The following GNPAT variants were observed in gnomAD, a reference collection of about 807,000 sequenced individuals.
GNPAT encodes the protein dihydroxyacetone phosphate acyltransferase.
GNPAT carries 30 observed loss-of-function variants against 78.4 expected under a neutral mutation model. The ratio of observed to expected loss-of-function variants is 0.38; its 90% confidence interval spans 0.29 to 0.52. The LOEUF (loss-of-function observed/expected upper bound fraction) is 0.52, where lower values mean the gene tolerates loss of function less well. Among genes scored for constraint, GNPAT ranks in the 20% least tolerant of loss-of-function variants. GNPAT has a pLI of 0.84. For synonymous variants in GNPAT, 271 were observed against 281.1 expected, an observed-to-expected ratio of 0.96 and a Z score of 0.36; for missense variants, 714 against 812.2, an observed-to-expected ratio of 0.88 and a Z score of 1.47.
intron 1 of GNPAT, among the ~76,000 whole-genome samples, chr1:231,245,981 T>A (rs1408041825): frequency 6.6e-6 from 1 of 151,940 alleles, no homozygotes; most frequent in Non-Finnish European, 1.5e-5. Context: ...AAAAAAAAAA[T>A]TAAATATTAA....
At chr1:231,243,182 T>G (rs773266618) in intron 1 of GNPAT, among the ~76,000 whole-genome samples, 22 of 152,176 alleles carry the variant, frequency 1.4e-4, no homozygotes, top group Non-Finnish European at 7.3e-5. Flanking sequence ...ACAATCACAG[T>G]TAAGTATGGT....
At chr1:231,273,849 G>A (rs1685634787) in intron 11 of GNPAT, 73 bp from the exon 12 acceptor site, 1 of 1,173,356 alleles carries the variant, frequency 8.5e-7, no homozygotes, top group Non-Finnish European at 1.3e-6. Context: ...CCTAGATGAG[G>A]GGGTACATGT....
rs1185964193 is a variant in GNPAT, at chr1:231,267,904, G to T, written c.1279+1G>T. 6.5e-7 allele frequency: 1 copy of T among 1,547,042 alleles called. No individual in the cohort carries two copies. Among genetic ancestry groups the T allele is most frequent in the Non-Finnish European group, 8.9e-7 (1 of 1,118,680 alleles). On this transcript the variant is annotated splice_donor_variant, in intron 9 of 15. Transcript: ENST00000366647. LOFTEE classifies it high-confidence loss of function. The stretch of plus-strand genomic sequence containing the variant: ...TTTGGAGGGTTTCTCATTTGGCCTG[G>T]TATGTAGGTAGGACATATGTGTTGA...
At chr1:231,243,366 C>T (rs1010925885) in intron 1 of GNPAT, among the ~76,000 whole-genome samples, 8 of 152,120 alleles carry the variant, frequency 5.3e-5, no homozygotes, top group African/African-American at 1.4e-4. Context: ...GCTCTGTTGC[C>T]AGGCTGGAGA....
intron 2 of GNPAT, among the ~76,000 whole-genome samples, chr1:231,256,398 A>G (rs988832739): frequency 7.3e-5 from 11 of 151,028 alleles, no homozygotes; most frequent in African/African-American, 2.7e-4. Context: ...TGGTTGACCA[A>G]ACCACCACAA....
At chr1:231,263,477 A>G (rs1468262176) in intron 4 of GNPAT, among the ~76,000 whole-genome samples, 2 of 152,182 alleles carry the variant, frequency 1.3e-5, no homozygotes, top group Admixed American at 1.3e-4. Flanking sequence ...TGTGACTGGC[A>G]TATTTCACTT....
At chr1:231,253,022 G>A (rs1047415196) in intron 2 of GNPAT, among the ~76,000 whole-genome samples, 3 of 152,190 alleles carry the variant, frequency 2.0e-5, no homozygotes, top group Non-Finnish European at 4.4e-5. Flanking sequence ...AGGCTGGAGT[G>A]CAGTATCGCG....
intron 1 of GNPAT, among the ~76,000 whole-genome samples, chr1:231,243,073 A>G (rs1417857317): frequency 1.3e-5 from 2 of 152,286 alleles, no homozygotes; most frequent in Non-Finnish European, 2.9e-5. Flanking sequence ...CATTAGGAAT[A>G]TATACAGTAT....
intron 5 of GNPAT, 135 bp downstream of exon 5, chr1:231,265,555 T>G (rs11122265): frequency 6.6e-6 from 6 of 909,700 alleles, no homozygotes; most frequent in Non-Finnish European, 1.1e-5. Flanking sequence ...ACCTCAGCAA[T>G]TGGTTTAATC....
chr1:231,248,997 G>A (rs1684822040), intron 1 of GNPAT, among the ~76,000 whole-genome samples: 1 of 152,144 alleles, frequency 6.6e-6, no homozygotes, highest in Non-Finnish European at 1.5e-5. Flanking sequence ...GTGTATCTCT[G>A]TTGTTAAACA....
At chr1:231,256,511 G>T (rs1250786956) in intron 2 of GNPAT, among the ~76,000 whole-genome samples, 6 of 111,258 alleles carry the variant, frequency 5.4e-5, no homozygotes, top group Non-Finnish European at 1.1e-4. Context: ...TTTTGAGAGG[G>T]AGTCTTGCTC....
rs999275392 is a variant in GNPAT at position 231,275,492 on chromosome 1, A to G, written c.1931A>G (p.Lys644Arg). ...GTGAGGCTCGGAGTAGTGGAGAAGAAGAAGATGTAAGTACTGTACAAGATC... is the reference window on the plus strand; with the variant it reads ...GTGAGGCTCGGAGTAGTGGAGAAGAGGAAGATGTAAGTACTGTACAAGATC... Reference protein sequence around the residue: ...ACVRLGVVEKKKINNNCIFNV... With the variant: ...ACVRLGVVEKRKINNNCIFNV... Residue 644 changes from lysine (K) to arginine (R), a missense_variant, in exon 14 of 16, where the codon AAG becomes AGG. Transcript: ENST00000366647. 1 of 1,568,220 alleles carries G rather than the reference A, an allele frequency of 6.4e-7. No individual in the cohort carries two copies. The highest frequency in any genetic ancestry group is 8.8e-7 in the Non-Finnish European group (1 of 1,138,050).
chr1:231,260,658 G>T lies in GNPAT; in HGVS notation c.413G>T (p.Cys138Phe). The T allele has an allele frequency of 6.2e-7, 1 of 1,610,366 alleles. No individual in the cohort carries two copies. Among genetic ancestry groups the T allele is most frequent in the South Asian group, 1.1e-5 (1 of 90,978 alleles). ...KVFKQIFSKV[C>F]VNEEGIQKLQ... is the part of the protein sequence containing the mutation. The stretch of plus-strand genomic sequence containing the variant: ...TTTAAACAAATTTTCTCGAAGGTGT[G>T]TGTAAATGAAGAAGGTATTCAGAAA... The change falls in exon 3 of 16, where the codon TGT (cysteine) becomes TTT (phenylalanine). Residue 138 changes from cysteine to phenylalanine, a missense_variant. Cys to Phe is a radical substitution (Grantham distance 205). Coordinates refer to ENST00000366647, the MANE Select transcript of GNPAT (RefSeq NM_014236.4).
chr1:231,277,167 C>T (rs1443009332), intron 15 of GNPAT, among the ~76,000 whole-genome samples: 1 of 152,240 alleles, frequency 6.6e-6, no homozygotes, highest in African/African-American at 2.4e-5. Context: ...AAAACAACCA[C>T]AAACACCTCG....
intron 9 of GNPAT, chr1:231,269,838 G>A (rs886970340): frequency 6.6e-6 from 1 of 152,148 alleles, no homozygotes; most frequent in Non-Finnish European, 1.5e-5. Flanking sequence ...CTACAGTTCT[G>A]TTCCTTTTTT....
chr1:231,255,051 CCA>C (rs1685010077), intron 2 of GNPAT, among the ~76,000 whole-genome samples: 1 of 152,136 alleles, frequency 6.6e-6, no homozygotes, highest in Non-Finnish European at 1.5e-5. Context: ...CTGCCCCCAA[CCA>C]CAAAGAAAAT....
chr1:231,259,044 T>C (rs1333730098), intron 2 of GNPAT, among the ~76,000 whole-genome samples: 1 of 152,218 alleles, frequency 6.6e-6, no homozygotes, highest in Non-Finnish European at 1.5e-5. Flanking sequence ...ATCATCCCTT[T>C]ACTTCTCATT....
At chr1:231,268,361 G>C (rs1685450413) in intron 9 of GNPAT, among the ~76,000 whole-genome samples, 1 of 152,142 alleles carries the variant, frequency 6.6e-6, no homozygotes, top group African/African-American at 2.4e-5. Context: ...AGGACACAGT[G>C]AACACAGCAC....
chr1:231,252,702 C>G (rs1684931763), intron 2 of GNPAT, among the ~76,000 whole-genome samples: 1 of 151,842 alleles, frequency 6.6e-6, no homozygotes, highest in African/African-American at 2.4e-5. Context: ...TATGCTCTCT[C>G]CTTTTTTTTT....
Sources: gnomAD v4.1 joint callset for allele counts (sites outside exome capture counted in the v4.1 genomes callset) on GRCh38, gnomAD v4.1.1 for gene constraint, MANE v1.5 for transcripts, NCBI Gene and HGNC (gene_info 2026-07-23, HGNC 2026-07-21) for gene names.